SNX24: variants seen among roughly 807,000 people sequenced by gnomAD.
SNX24 encodes the protein sorting nexin 24, also known as sorting nexin-24.
SNX24 carries 22 observed loss-of-function variants against 28.7 expected under a neutral mutation model. The ratio of observed to expected loss-of-function variants is 0.77; its 90% CI spans 0.55 to 1.10. The LOEUF is 1.10. SNX24 is among the 50% of genes least tolerant of loss of function. The pLI, the probability that SNX24 is intolerant of heterozygous loss-of-function variation, is 0.00. For missense variants in SNX24, 221 were observed against 201.1 expected (o/e 1.10, Z -0.60); for synonymous variants, 69 against 71.5 (o/e 0.96, Z 0.18).
At chr5:122,965,385 C>T in intron 3 of SNX24, 1 of 450,366 alleles carries the variant, frequency 2.2e-6, no homozygotes, top group Non-Finnish European at 4.5e-6. Flanking sequence ...TTTAAAGAGT[C>T]AGGGACTTCT....
intron 1 of SNX24, among the ~76,000 whole-genome samples, chr5:122,889,606 T>TAC (rs1311314686): frequency 1.0e-5 from 1 of 100,070 alleles, no homozygotes. Flanking sequence ...TATATATATA[T>TAC]ACACACATAT....
chr5:122,986,740 AT>A (rs3032152), intron 3 of SNX24, among the ~76,000 whole-genome samples: 54,548 of 149,440 alleles, frequency 0.37, 10,634 homozygotes, highest in African/African-American at 0.48. Context: ...CCTCTAAGGG[AT>A]TTTTTTTTTC....
At chr5:122,990,158 A>G (rs982948491) in intron 3 of SNX24, among the ~76,000 whole-genome samples, 6 of 152,304 alleles carry the variant, frequency 3.9e-5, no homozygotes, top group African/African-American at 1.4e-4. Context: ...GACTAGCTAC[A>G]CATCTTATAA....
intron 1 of SNX24, among the ~76,000 whole-genome samples, chr5:122,929,786 C>A (rs1758868731): frequency 6.6e-6 from 1 of 151,808 alleles, no homozygotes; most frequent in African/African-American, 2.4e-5. Context: ...AATTTGAACA[C>A]TTTTAAGATC....
chr5:122,967,468 C>T (rs1239937458), intron 3 of SNX24, among the ~76,000 whole-genome samples: 7 of 152,150 alleles, frequency 4.6e-5, no homozygotes, highest in South Asian at 2.1e-4. Context: ...AGGGGCAGCA[C>T]GTGCTGCCCT....
At chr5:122,888,863 T>G (rs1756828656) in intron 1 of SNX24, among the ~76,000 whole-genome samples, 1 of 152,232 alleles carries the variant, frequency 6.6e-6, no homozygotes, top group Middle Eastern at 3.4e-3. Flanking sequence ...TAACTTTGTG[T>G]TTTTTTGAGA....
At chr5:122,913,429 G>C (rs1335834034) in intron 1 of SNX24, among the ~76,000 whole-genome samples, 1 of 150,412 alleles carries the variant, frequency 6.6e-6, no homozygotes, top group Non-Finnish European at 1.5e-5. Context: ...GGGGCGGCTG[G>C]CCGGGCGGGG....
intron 1 of SNX24, among the ~76,000 whole-genome samples, chr5:122,881,733 T>C (rs1338600173): frequency 6.7e-6 from 1 of 149,676 alleles, no homozygotes; most frequent in African/African-American, 2.4e-5. Flanking sequence ...TAATTAGGTA[T>C]ACATATATAT....
intron 1 of SNX24, among the ~76,000 whole-genome samples, chr5:122,872,846 G>A (rs1271196774): frequency 6.6e-6 from 1 of 152,004 alleles, no homozygotes; most frequent in Non-Finnish European, 1.5e-5. Context: ...TTCCCACCGA[G>A]ACCCATTCAC....
intron 1 of SNX24, chr5:122,891,157 GT>G (rs1167964290): frequency 2.1e-6 from 3 of 1,418,228 alleles, no homozygotes; most frequent in East Asian, 2.7e-5. Context: ...TTTACCTAGT[GT>G]TTTTTTGTTT....
rs186559006 is a variant in SNX24, at chr5:122,883,893, A to C, written c.60+38200A>C. 1.0e-3 allele frequency among the ~76,000 whole-genome samples: 152 copies of C among 152,284 alleles called. 1 individual carries two copies. The highest frequency in any genetic ancestry group is 3.4e-3 in the Middle Eastern group (1 of 294). ...TGGTATTGAACTCCTGGGCTCAAGC[A>C]ATCCTCTCACCTTAGTCTCTCAAAG... On this transcript the variant is annotated intron_variant, in intron 1 of 6. Transcript: ENST00000261369.
chr5:122,955,670 A>G lies in SNX24; in HGVS notation c.249+9511A>G, dbSNP rs560532055. Among the ~76,000 whole-genome samples the G allele has an allele frequency of 9.8e-4, 149 of 152,318 alleles. 2 individuals are homozygous for G. Among genetic ancestry groups the G allele is most frequent in the African/African-American group, 3.5e-3 (147 of 41,574 alleles). On this transcript the variant is annotated intron_variant, in intron 3 of 6. Coordinates refer to ENST00000261369, the MANE Select transcript of SNX24 (RefSeq NM_014035.4). ...TTGCTCCTCATTACCATTAAGATGT[A>G]GAAAGTTCTTTGCTAGATTTCATCT...
intron 3 of SNX24, among the ~76,000 whole-genome samples, chr5:122,966,762 C>T (rs2150143476): frequency 6.6e-6 from 1 of 152,260 alleles, no homozygotes; most frequent in East Asian, 1.9e-4. Context: ...AAAAGATATA[C>T]CACATAGAGT....
At position 122,886,301 on chromosome 5, in the gene SNX24, G is replaced by C. The variant is rs543190432; in HGVS notation, c.60+40608G>C. On this transcript the variant is annotated intron_variant, in intron 1 of 6. Transcript: ENST00000261369. Reference sequence around the variant, plus strand: ...AGAGAATGTGAATTTTAATAAAGTTGTCTATTTGATTACTGGTACATTTCT... The same window carrying C: ...AGAGAATGTGAATTTTAATAAAGTTCTCTATTTGATTACTGGTACATTTCT... Among the ~76,000 whole-genome samples the C allele has an allele frequency of 3.0e-4, 46 of 152,240 alleles. No individual in the cohort carries two copies. In the South Asian group the frequency reaches 9.5e-3, roughly 32 times the overall value.
intron 1 of SNX24, among the ~76,000 whole-genome samples, chr5:122,890,806 A>T (rs949821054): frequency 1.3e-5 from 2 of 152,156 alleles, no homozygotes; most frequent in Non-Finnish European, 2.9e-5. Flanking sequence ...TTATAGCCCT[A>T]TCTTGACAAT....
At chr5:122,845,737 T>C in intron 1 of SNX24, 44 bp downstream of exon 1, 3 of 1,210,008 alleles carry the variant, frequency 2.5e-6, no homozygotes, top group Non-Finnish European at 3.2e-6. Context: ...GAGCCAGGCC[T>C]GCGGCTGCTG....
intron 3 of SNX24, among the ~76,000 whole-genome samples, chr5:122,953,249 C>T (rs1760046232): frequency 6.6e-6 from 1 of 152,014 alleles, no homozygotes; most frequent in Non-Finnish European, 1.5e-5. Flanking sequence ...GGATTACAGG[C>T]ACCTGCCACC....
chr5:122,947,317 T>C (rs1341264387), intron 3 of SNX24, among the ~76,000 whole-genome samples: 3 of 151,872 alleles, frequency 2.0e-5, no homozygotes, highest in Non-Finnish European at 4.4e-5. Flanking sequence ...GAACCACTAG[T>C]GATGAGAAGA....
chr5:122,989,253 G>T (rs1053146795), intron 3 of SNX24, among the ~76,000 whole-genome samples: 4 of 152,158 alleles, frequency 2.6e-5, no homozygotes, highest in Non-Finnish European at 5.9e-5. Flanking sequence ...GTAGTTGTGG[G>T]TTTTGGCTCA....
Sources: gnomAD v4.1 joint callset for allele counts (sites outside exome capture counted in the v4.1 genomes callset) on GRCh38, gnomAD v4.1.1 for gene constraint, MANE v1.5 for transcripts, NCBI Gene and HGNC (gene_info 2026-07-23, HGNC 2026-07-21) for gene names.